The following ZBTB7C variants were observed in gnomAD, a reference collection of about 807,000 sequenced individuals.
The protein encoded by ZBTB7C is zinc finger and BTB domain containing 7C, also known as zinc finger and BTB domain-containing protein 7C.
ZBTB7C carries 8 observed loss-of-function variants against 25.7 expected under a neutral mutation model. The observed-to-expected ratio is 0.31, with a 90% CI of 0.18 to 0.56. The LOEUF (loss-of-function observed/expected upper bound fraction) is 0.56. Among genes scored for constraint, ZBTB7C ranks in the 20% least tolerant of loss-of-function variants. The probability of loss-of-function intolerance (pLI) is 0.91; values close to 1 mark genes in which losing one functional copy is unlikely to be tolerated. For synonymous variants in ZBTB7C, 394 were observed against 369.0 expected, an observed-to-expected ratio of 1.07 and a Z score of -0.78; for missense variants, 824 against 855.2, an observed-to-expected ratio of 0.96 and a Z score of 0.46.
At chr18:48,059,867 G>A (rs928649890) in intron 3 of ZBTB7C, among the ~76,000 whole-genome samples, 1 of 152,062 alleles carries the variant, frequency 6.6e-6, no homozygotes, top group African/African-American at 2.4e-5. Context: ...GTCCCCAGAG[G>A]TCCATCCCCC....
chr18:48,365,651 C>G (rs2047205624), intron 1 of ZBTB7C, among the ~76,000 whole-genome samples: 1 of 152,072 alleles, frequency 6.6e-6, no homozygotes, highest in Non-Finnish European at 1.5e-5. Flanking sequence ...TATAAGGAAC[C>G]CTAAAGCATG....
intron 2 of ZBTB7C, among the ~76,000 whole-genome samples, chr18:48,330,621 T>C (rs1281684117): frequency 1.3e-5 from 2 of 151,676 alleles, no homozygotes; most frequent in African/African-American, 4.8e-5. Context: ...CTGAGTCATA[T>C]TTTGTTGCTT....
At chr18:48,140,749 C>G (rs931632462) in intron 3 of ZBTB7C, among the ~76,000 whole-genome samples, 2 of 152,134 alleles carry the variant, frequency 1.3e-5, no homozygotes, top group Admixed American at 6.5e-5. Context: ...ATACTCAAGC[C>G]AGAAACTCAG....
intron 3 of ZBTB7C, among the ~76,000 whole-genome samples, chr18:48,108,270 T>A (rs976095158): frequency 1.3e-5 from 2 of 152,122 alleles, no homozygotes; most frequent in Non-Finnish European, 2.9e-5. Context: ...CCCTCTCTTC[T>A]CTATACCAGG....
At chr18:48,124,683 C>T (rs1443144451) in intron 3 of ZBTB7C, among the ~76,000 whole-genome samples, 1 of 152,200 alleles carries the variant, frequency 6.6e-6, no homozygotes, top group Non-Finnish European at 1.5e-5. Flanking sequence ...TGATAGGATG[C>T]TGGCTGGCAT....
At chr18:48,276,985 T>C (rs185605296) in intron 2 of ZBTB7C, among the ~76,000 whole-genome samples, 102 of 151,724 alleles carry the variant, frequency 6.7e-4, no homozygotes, top group Middle Eastern at 6.8e-3. Flanking sequence ...TTTTTAATGA[T>C]TGCCATTCTA....
In ZBTB7C at chr18:48,268,052, T is replaced by C. The variant is rs1220668720; in HGVS notation, c.-79+70122A>G. Among the ~76,000 whole-genome samples, 3 of 152,358 alleles carry C rather than the reference T, an allele frequency of 2.0e-5. No individual in the cohort carries two copies. The South Asian group carries it at 6.2e-4, about 32-fold the overall frequency. ...TCTCCATAGGCCAACATTCAAGATA[T>C]ATCAGCCGTTTTGGCAACTGAGCAC... On this transcript the variant is annotated intron_variant, in intron 2 of 4. Coordinates refer to ENST00000590800, the MANE Select transcript of ZBTB7C (RefSeq NM_001318841.2).
chr18:48,344,781 C>T (rs1190146038), intron 1 of ZBTB7C, among the ~76,000 whole-genome samples: 1 of 152,178 alleles, frequency 6.6e-6, no homozygotes, highest in Non-Finnish European at 1.5e-5. Context: ...TCTTCAACGC[C>T]GCCAAATGCA....
chr18:48,093,618 C>A (rs200575961), intron 3 of ZBTB7C, among the ~76,000 whole-genome samples: 8 of 150,740 alleles, frequency 5.3e-5, no homozygotes, highest in Admixed American at 6.6e-5. Flanking sequence ...TAAAAAAAAA[C>A]AAAAAAAACA....
In ZBTB7C at chr18:48,280,015, A is replaced by G. The variant is rs539811455; in HGVS notation, c.-79+58159T>C. Among the ~76,000 whole-genome samples the G allele has an allele frequency of 2.0e-3, 305 of 152,342 alleles. 2 individuals carry two copies. The highest frequency in any genetic ancestry group is 7.0e-3 in the African/African-American group (292 of 41,586). On this transcript the variant is annotated intron_variant, in intron 2 of 4. Coordinates refer to ENST00000590800, the MANE Select transcript of ZBTB7C (RefSeq NM_001318841.2). ...CACAAATTTTTATTGAGCATCTACT[A>G]TGTGCCAGGCACTGTGCAAGGTGCT...
At chr18:48,363,384 G>GCCCAGC (rs2047154604) in intron 1 of ZBTB7C, among the ~76,000 whole-genome samples, 1 of 152,074 alleles carries the variant, frequency 6.6e-6, no homozygotes, top group Non-Finnish European at 1.5e-5. Context: ...GAAGTGCAAG[G>GCCCAGC]CCCAGCCCCA....
At chr18:48,117,060 T>G (rs1271156760) in intron 3 of ZBTB7C, among the ~76,000 whole-genome samples, 2 of 152,090 alleles carry the variant, frequency 1.3e-5, no homozygotes, top group Non-Finnish European at 1.5e-5. Flanking sequence ...GCAGCTGGGC[T>G]GGGCGTGGTT....
chr18:48,218,424 C>T (rs558582503), intron 2 of ZBTB7C, among the ~76,000 whole-genome samples: 6 of 152,346 alleles, frequency 3.9e-5, no homozygotes, highest in African/African-American at 1.4e-4. Flanking sequence ...AGACCTGGTA[C>T]AGGGTGAGGC....
At chr18:48,047,004 C>T (rs904847771) in intron 3 of ZBTB7C, among the ~76,000 whole-genome samples, 2 of 152,200 alleles carry the variant, frequency 1.3e-5, no homozygotes, top group African/African-American at 4.8e-5. Flanking sequence ...TGTTCCATTC[C>T]TGGAGAAACA....
At chr18:48,073,845 C>T (rs1054953056) in intron 3 of ZBTB7C, among the ~76,000 whole-genome samples, 1 of 152,094 alleles carries the variant, frequency 6.6e-6, no homozygotes, top group Admixed American at 6.5e-5. Flanking sequence ...AAGCCCTATC[C>T]TCTCTCCTCA....
chr18:48,371,719 C>T (rs2047392722), intron 1 of ZBTB7C, among the ~76,000 whole-genome samples: 1 of 152,218 alleles, frequency 6.6e-6, no homozygotes, highest in Non-Finnish European at 1.5e-5. Flanking sequence ...TCCCCTGAAA[C>T]TCCCTAGAAG....
chr18:48,312,355 G>A (rs2045841290), intron 2 of ZBTB7C, among the ~76,000 whole-genome samples: 1 of 152,188 alleles, frequency 6.6e-6, no homozygotes, highest in South Asian at 2.1e-4. Flanking sequence ...CCTGGCCTTT[G>A]CTGGCCACCC....
intron 2 of ZBTB7C, among the ~76,000 whole-genome samples, chr18:48,293,801 A>C (rs1187689758): frequency 6.6e-6 from 1 of 152,182 alleles, no homozygotes; most frequent in Non-Finnish European, 1.5e-5. Context: ...AAATATAAAT[A>C]AAGACAGGGT....
At chr18:48,031,586 C>G (rs956955793) in intron 4 of ZBTB7C, among the ~76,000 whole-genome samples, 2 of 152,192 alleles carry the variant, frequency 1.3e-5, no homozygotes, top group Non-Finnish European at 2.9e-5. Context: ...AGGATGCATT[C>G]GAACCATAAT....
Sources: gnomAD v4.1 joint callset for allele counts (sites outside exome capture counted in the v4.1 genomes callset) on GRCh38, gnomAD v4.1.1 for gene constraint, MANE v1.5 for transcripts, NCBI Gene and HGNC (gene_info 2026-07-23, HGNC 2026-07-21) for gene names.